Variants in LRBA observed in about 807,000 individuals in gnomAD.
LRBA encodes lipopolysaccharide-responsive and beige-like anchor protein.
In LRBA, 176 loss-of-function variants were observed where a neutral mutation model predicts 330.0. The ratio of observed to expected loss-of-function variants is 0.53; its 90% CI spans 0.47 to 0.60. The LOEUF is 0.60. Ranked by LOEUF, LRBA falls within the 20% of genes least tolerant of loss-of-function variation. The pLI, the probability that LRBA is intolerant of heterozygous loss-of-function variation, is 0.00. For synonymous variants in LRBA, 1,230 were observed against 1,193.0 expected (o/e 1.03, Z -0.64); for missense variants, 3,259 against 3,444.8 (o/e 0.95, Z 1.35).
intron 34 of LRBA, among the ~76,000 whole-genome samples, 174 bp from the exon 35 acceptor site, chr4:150,762,021 G>C (rs1291499836): frequency 6.6e-6 from 1 of 151,850 alleles, no homozygotes; most frequent in Non-Finnish European, 1.5e-5. Context: ...AAACAAGTTA[G>C]CAACAATTTG....
At chr4:150,292,693 AT>A (rs910608942) in intron 53 of LRBA, among the ~76,000 whole-genome samples, 3 of 152,228 alleles carry the variant, frequency 2.0e-5, no homozygotes, top group African/African-American at 7.2e-5. Context: ...TACTATGGAA[AT>A]AAGGAAAGGA....
chr4:150,385,395 C>A (rs1211513858), intron 47 of LRBA, among the ~76,000 whole-genome samples: 1 of 152,014 alleles, frequency 6.6e-6, no homozygotes, highest in Non-Finnish European at 1.5e-5. Flanking sequence ...TTTAGTTGAT[C>A]CAATCTTGAG....
At chr4:150,907,056 C>T (rs980579258) in intron 11 of LRBA, among the ~76,000 whole-genome samples, 2 of 150,310 alleles carry the variant, frequency 1.3e-5, no homozygotes, top group Non-Finnish European at 3.0e-5. Flanking sequence ...GCTCTACTAC[C>T]TACAATTTTT....
intron 36 of LRBA, among the ~76,000 whole-genome samples, chr4:150,703,203 C>A (rs568586927): frequency 6.6e-6 from 1 of 152,238 alleles, no homozygotes; most frequent in African/African-American, 2.4e-5. Flanking sequence ...TCATTAAATG[C>A]TCATTAAGAA....
At chr4:150,658,500 T>C (rs1167502214) in intron 37 of LRBA, among the ~76,000 whole-genome samples, 1 of 30,220 alleles carries the variant, frequency 3.3e-5, no homozygotes, top group East Asian at 2.3e-3. Flanking sequence ...TATCAGAAAA[T>C]AAAAGTCTCC....
In LRBA at chr4:150,844,781, T is replaced by C; in HGVS notation, c.4340-2A>G. Reference sequence around the variant, plus strand: ...AATTCCTTACTGCGACTGCACAAACTGTAATTTATTTTAAGGAAAAGATAG... The same window carrying C: ...AATTCCTTACTGCGACTGCACAAACCGTAATTTATTTTAAGGAAAAGATAG... On this transcript the variant is annotated splice_acceptor_variant, in intron 26 of 56. Transcript: ENST00000651943. LOFTEE classifies it high-confidence loss of function. The C allele has an allele frequency of 6.2e-7, 1 of 1,606,644 alleles. No homozygotes were observed. Among genetic ancestry groups the C allele is most frequent in the South Asian group, 1.1e-5 (1 of 88,914 alleles).
intron 40 of LRBA, among the ~76,000 whole-genome samples, chr4:150,570,395 T>C (rs768350910): frequency 1.3e-5 from 2 of 152,060 alleles, no homozygotes; most frequent in Non-Finnish European, 2.9e-5. Flanking sequence ...CCAGAGTAAT[T>C]AGTGTTGTCT....
intron 13 of LRBA, among the ~76,000 whole-genome samples, chr4:150,904,011 T>G (rs573042684): frequency 6.6e-6 from 1 of 152,244 alleles, no homozygotes; most frequent in Admixed American, 6.5e-5. Flanking sequence ...GACAAGAAAA[T>G]TCATCTCTCC....
intron 2 of LRBA, among the ~76,000 whole-genome samples, chr4:150,939,877 G>A (rs1427435635): frequency 6.6e-6 from 1 of 152,148 alleles, no homozygotes; most frequent in Non-Finnish European, 1.5e-5. Context: ...GGTACAATGT[G>A]CACTATTCAG....
At chr4:150,874,946 T>C (rs1395429916) in intron 17 of LRBA, among the ~76,000 whole-genome samples, 1 of 152,166 alleles carries the variant, frequency 6.6e-6, no homozygotes, top group Admixed American at 6.5e-5. Flanking sequence ...AGGGGTCCTC[T>C]ATGCTTCATG....
At chr4:150,914,128 A>G in intron 9 of LRBA, 67 bp downstream of exon 9, 1 of 1,317,536 alleles carries the variant, frequency 7.6e-7, no homozygotes, top group Middle Eastern at 2.0e-4. Flanking sequence ...CAAACTCTCC[A>G]TGTATAACCC....
At chr4:150,769,969 G>C (rs189634962) in intron 34 of LRBA, among the ~76,000 whole-genome samples, 1 of 152,132 alleles carries the variant, frequency 6.6e-6, no homozygotes, top group African/African-American at 2.4e-5. Context: ...AATGCCCAGG[G>C]AGCTGATAAA....
At chr4:150,758,206 T>C (rs977449534) in intron 35 of LRBA, among the ~76,000 whole-genome samples, 4 of 152,224 alleles carry the variant, frequency 2.6e-5, no homozygotes, top group African/African-American at 9.6e-5. Context: ...TGACGGCCAG[T>C]AGGCCCGTTG....
intron 36 of LRBA, among the ~76,000 whole-genome samples, chr4:150,701,719 C>T (rs987499317): frequency 6.6e-6 from 1 of 152,086 alleles, no homozygotes; most frequent in Non-Finnish European, 1.5e-5. Context: ...TGTCCAAAAC[C>T]GCCATGGTAG....
At chr4:150,277,647 T>C (rs1746957213) in intron 56 of LRBA, among the ~76,000 whole-genome samples, 2 of 152,204 alleles carry the variant, frequency 1.3e-5, no homozygotes, top group South Asian at 4.2e-4. Context: ...CTGCAGGTTT[T>C]ACTATACAAT....
chr4:150,829,995 A>G (rs543581017), intron 29 of LRBA, among the ~76,000 whole-genome samples: 7 of 152,246 alleles, frequency 4.6e-5, no homozygotes, highest in East Asian at 1.9e-4. Flanking sequence ...TGTTTTTTCT[A>G]CCACTAAAAC....
chr4:150,757,560 A>G (rs982339693), intron 35 of LRBA, among the ~76,000 whole-genome samples: 3 of 152,188 alleles, frequency 2.0e-5, no homozygotes, highest in Non-Finnish European at 2.9e-5. Flanking sequence ...TAGTCTTTGC[A>G]GTAAAAAGGA....
At chr4:150,728,175 T>C (rs182045612) in intron 36 of LRBA, among the ~76,000 whole-genome samples, 2 of 152,148 alleles carry the variant, frequency 1.3e-5, no homozygotes, top group East Asian at 3.9e-4. Context: ...ATCTAAAACC[T>C]AACAGACCAA....
chr4:150,279,188 G>A (rs545159272), intron 55 of LRBA, among the ~76,000 whole-genome samples: 46 of 152,270 alleles, frequency 3.0e-4, no homozygotes, highest in Non-Finnish European at 4.1e-4. Flanking sequence ...TGCTTTCACA[G>A]GTAGTTGCAG....
Sources: gnomAD v4.1 joint callset for allele counts (sites outside exome capture counted in the v4.1 genomes callset) on GRCh38, gnomAD v4.1.1 for gene constraint, MANE v1.5 for transcripts, NCBI Gene and HGNC (gene_info 2026-07-23, HGNC 2026-07-21) for gene names.